The following ARHGEF33 variants were observed in gnomAD, a reference collection of about 807,000 sequenced individuals.
ARHGEF33 encodes Rho guanine nucleotide exchange factor 33, also known as DH and coiled-coil domain-containing protein ENSP00000381780.
In ARHGEF33, 72 loss-of-function variants were observed where a neutral mutation model predicts 101.9. The ratio of observed to expected loss-of-function variants is 0.71; its 90% confidence interval spans 0.58 to 0.86. ARHGEF33 has a LOEUF of 0.86. ARHGEF33 is among the 40% of genes least tolerant of loss of function. ARHGEF33 has a pLI of 0.00. For missense variants in ARHGEF33, 1,169 were observed against 1,111.3 expected, an observed-to-expected ratio of 1.05 and a Z score of -0.74; for synonymous variants, 499 against 442.5, an observed-to-expected ratio of 1.13 and a Z score of -1.60.
At chr2:38,930,037 G>A (rs1001856131) in intron 6 of ARHGEF33, among the ~76,000 whole-genome samples, 9 of 152,082 alleles carry the variant, frequency 5.9e-5, no homozygotes, top group African/African-American at 2.2e-4. Flanking sequence ...CATTTAATAC[G>A]ATATGTAAAA....
intron 1 of ARHGEF33, among the ~76,000 whole-genome samples, chr2:38,892,665 C>T (rs1009890537): frequency 1.3e-5 from 2 of 152,186 alleles, no homozygotes; most frequent in African/African-American, 4.8e-5. Flanking sequence ...TCCTTTTAGT[C>T]TCCTGGTTCA....
intron 1 of ARHGEF33, among the ~76,000 whole-genome samples, chr2:38,890,476 A>G (rs1438664475): frequency 6.6e-6 from 1 of 152,184 alleles, no homozygotes; most frequent in Non-Finnish European, 1.5e-5. Flanking sequence ...AACAAAAAAC[A>G]TATCCTGATT....
At chr2:38,966,703 G>A (rs1231810140) in intron 17 of ARHGEF33, among the ~76,000 whole-genome samples, 2 of 152,150 alleles carry the variant, frequency 1.3e-5, no homozygotes, top group Non-Finnish European at 2.9e-5. Flanking sequence ...TCCATAGGAG[G>A]CAAAAATAAG....
chr2:38,928,264 A>G (rs921788202), intron 4 of ARHGEF33, among the ~76,000 whole-genome samples: 1 of 152,186 alleles, frequency 6.6e-6, no homozygotes, highest in East Asian at 1.9e-4. Flanking sequence ...GATGATTCAT[A>G]TCACCATCAA....
At chr2:38,920,464 A>G (rs1572748492) in intron 3 of ARHGEF33, among the ~76,000 whole-genome samples, 2 of 130,758 alleles carry the variant, frequency 1.5e-5, no homozygotes, top group Non-Finnish European at 3.1e-5. Context: ...CTGGAACGCA[A>G]TGGCACGATC....
chr2:38,937,546 A>G lies in ARHGEF33; in HGVS notation c.777A>G (p.Glu259=). ...RHSSLENVLC[E]TSLAAKRQTV... is the part of the protein sequence containing the mutation. ...GCTCCTTGGAAAACGTTTTATGTGA[A>G]ACCTCCTTAGCTGGTAAGTTCCAAG... is the stretch of plus-strand genomic sequence containing the variant. Residue 259 remains glutamate, a synonymous_variant, in exon 9 of 18, where the codon GAA becomes GAG. Transcript: ENST00000409978. 1 of 1,536,248 alleles carries G rather than the reference A, an allele frequency of 6.5e-7. No individual in the cohort carries two copies. The highest frequency in any genetic ancestry group is 8.8e-7 in the Non-Finnish European group (1 of 1,133,802).
chr2:38,907,359 T>C (rs1241492251), intron 2 of ARHGEF33, among the ~76,000 whole-genome samples: 4 of 152,216 alleles, frequency 2.6e-5, no homozygotes, highest in Non-Finnish European at 5.9e-5. Flanking sequence ...TGGATTGTAC[T>C]CTTTTTCTCC....
At chr2:38,920,773 T>G (rs1421293480) in intron 3 of ARHGEF33, among the ~76,000 whole-genome samples, 1 of 152,160 alleles carries the variant, frequency 6.6e-6, no homozygotes, top group African/African-American at 2.4e-5. Context: ...AAGTCTAGTA[T>G]TATACATTAC....
Position 38,944,021 on chromosome 2 carries a change from A to G in ARHGEF33, c.911A>G (p.Lys304Arg), listed in dbSNP as rs750480532. Reference sequence around the variant, plus strand: ...GGGTCAGATGGAAAGAGGAATTCCAAAGAGAGAAGGTATCCATGCACTCAT... The same window carrying G: ...GGGTCAGATGGAAAGAGGAATTCCAGAGAGAGAAGGTATCCATGCACTCAT... ...FQGSDGKRNS[K>R]ERSLFPGSLR... Residue 304 changes from lysine to arginine, a missense_variant, in exon 10 of 18, where the codon AAA becomes AGA. By Grantham distance (26) the Lys-to-Arg change is conservative. Coordinates refer to ENST00000409978, the MANE Select transcript of ARHGEF33 (RefSeq NM_001145451.5). 26 of 1,550,244 alleles carry G rather than the reference A, an allele frequency of 1.7e-5. No homozygotes were observed. The South Asian group carries it at 3.1e-4, about 19-fold the overall frequency.
intron 2 of ARHGEF33, among the ~76,000 whole-genome samples, chr2:38,896,942 G>A (rs1415136710): frequency 6.6e-6 from 1 of 151,846 alleles, no homozygotes; most frequent in African/African-American, 2.4e-5. Flanking sequence ...TTGAGACTGA[G>A]TCTCACTCTG....
At chr2:38,903,957 A>G (rs182231733) in intron 2 of ARHGEF33, among the ~76,000 whole-genome samples, 37 of 152,330 alleles carry the variant, frequency 2.4e-4, no homozygotes, top group Non-Finnish European at 3.1e-4. Flanking sequence ...ACAAACCTTT[A>G]TTGAACTTCT....
intron 11 of ARHGEF33, among the ~76,000 whole-genome samples, chr2:38,952,499 G>C (rs1353523935): frequency 6.6e-6 from 1 of 152,158 alleles, no homozygotes; most frequent in African/African-American, 2.4e-5. Context: ...GGACGTACAT[G>C]ATTGACTGAA....
chr2:38,928,244 G>A (rs1229811184), intron 4 of ARHGEF33, among the ~76,000 whole-genome samples: 1 of 152,152 alleles, frequency 6.6e-6, no homozygotes, highest in Admixed American at 6.5e-5. Context: ...GACCAGGACT[G>A]ACTGCTGGAG....
intron 4 of ARHGEF33, among the ~76,000 whole-genome samples, chr2:38,927,079 T>A (rs1370965691): frequency 6.6e-6 from 1 of 152,174 alleles, no homozygotes; most frequent in African/African-American, 2.4e-5. Flanking sequence ...TTAAAACTGA[T>A]TGAAATGAAA....
At chr2:38,921,699 T>G (rs1666761471) in intron 4 of ARHGEF33, among the ~76,000 whole-genome samples, 2 of 152,136 alleles carry the variant, frequency 1.3e-5, no homozygotes. Flanking sequence ...TAGCTGAGGC[T>G]ATAGGTGAGC....
intron 4 of ARHGEF33, among the ~76,000 whole-genome samples, chr2:38,922,067 G>A (rs1342336920): frequency 6.6e-6 from 1 of 152,066 alleles, no homozygotes; most frequent in Non-Finnish European, 1.5e-5. Flanking sequence ...GATTGTTTTG[G>A]TCCTCTAAGT....
chr2:38,956,926 C>G lies in ARHGEF33; in HGVS notation c.1249C>G (p.His417Asp). The change falls in exon 14 of 18, where the codon CAC becomes GAC. Residue 417 changes from histidine (H) to aspartate (D), a missense_variant. His to Asp is a moderately conservative substitution (Grantham distance 81). Transcript: ENST00000409978. ...QNVLKFTEQE[H>D]PDYYLLLVCV... is the part of the protein sequence containing the mutation. ...CGTCCTGAAGTTCACAGAGCAGGAG[C>G]ACCCTGACTATTATCTACTACTGGT... 1.3e-6 allele frequency: 2 copies of G among 1,552,400 alleles called. No homozygotes were observed. The highest frequency in any genetic ancestry group is 1.7e-6 in the Non-Finnish European group (2 of 1,147,146).
At position 38,911,669 on chromosome 2, in the gene ARHGEF33, AT is replaced by A. The variant is rs766009406; in HGVS notation, c.-85-7693del. 4.6e-5 allele frequency among the ~76,000 whole-genome samples: 7 copies of A among 152,302 alleles called. No individual in the cohort carries two copies. The East Asian group carries it at 5.8e-4, about 13-fold the overall frequency. On this transcript the variant is annotated intron_variant, in intron 2 of 17. Coordinates refer to ENST00000409978, the MANE Select transcript of ARHGEF33 (RefSeq NM_001145451.5). ...TCAACATTCTTATTTCTCTATATCA[AT>A]AATTTTAGAACCTTTGTTTTTAAAC...
chr2:38,906,478 T>C (rs1298521098), intron 2 of ARHGEF33, among the ~76,000 whole-genome samples: 2 of 152,170 alleles, frequency 1.3e-5, no homozygotes, highest in Non-Finnish European at 2.9e-5. Context: ...ACTTTTCAGA[T>C]GTGGTAAAAA....
Sources: allele counts gnomAD v4.1 joint callset (sites outside exome capture counted in the v4.1 genomes callset), GRCh38; gene constraint gnomAD v4.1.1; transcripts MANE v1.5; gene names NCBI Gene and HGNC (gene_info 2026-07-23, HGNC 2026-07-21).